The following PTBP3 variants were observed in gnomAD, a reference collection of about 807,000 sequenced individuals.
The protein encoded by PTBP3 is polypyrimidine tract binding protein 3, also known as polypyrimidine tract-binding protein 3.
Under a neutral mutation model 58.7 loss-of-function variants are expected in PTBP3, and 20 were observed. The observed-to-expected ratio is 0.34, with a 90% CI of 0.24 to 0.50. PTBP3 has a LOEUF of 0.50. Ranked by LOEUF, PTBP3 falls within the 20% of genes least tolerant of loss-of-function variation. The probability of loss-of-function intolerance (pLI) is 0.98; values close to 1 mark genes in which losing one functional copy is unlikely to be tolerated. For missense variants in PTBP3, 509 were observed against 637.2 expected, an observed-to-expected ratio of 0.80 and a Z score of 2.17; for synonymous variants, 185 against 219.8, an observed-to-expected ratio of 0.84 and a Z score of 1.40.
intron 2 of PTBP3, among the ~76,000 whole-genome samples, chr9:112,283,504 A>T (rs1827970078): frequency 6.6e-6 from 1 of 152,228 alleles, no homozygotes; most frequent in African/African-American, 2.4e-5. Flanking sequence ...CTCTGAACTC[A>T]GATGATTTAG....
intron 1 of PTBP3, among the ~76,000 whole-genome samples, chr9:112,327,117 T>C (rs999034949): frequency 6.6e-6 from 1 of 151,408 alleles, no homozygotes; most frequent in African/African-American, 2.4e-5. Context: ...GGTAGGAGGA[T>C]CACTTGGGCC....
the PTBP3 span, among the ~76,000 whole-genome samples, chr9:112,367,951 C>G: frequency 2.0e-4 from 31 of 152,146 alleles, no homozygotes; most frequent in Non-Finnish European, 4.0e-4. Flanking sequence ...TGATGATATC[C>G]CATGATTCCT....
chr9:112,241,713 C>T (rs7864927), intron 7 of PTBP3, among the ~76,000 whole-genome samples: 84,384 of 151,864 alleles, frequency 0.56, 25,145 homozygotes, highest in African/African-American at 0.79. Flanking sequence ...CAATACATGA[C>T]TGTATATTTA....
intron 1 of PTBP3, among the ~76,000 whole-genome samples, chr9:112,302,183 CT>C (rs779134002): frequency 6.6e-6 from 1 of 152,022 alleles, no homozygotes; most frequent in African/African-American, 2.4e-5. Context: ...CAGCAAATAG[CT>C]TTTTGTAAAA....
the PTBP3 span, among the ~76,000 whole-genome samples, chr9:112,376,864 C>G: frequency 1.2e-4 from 18 of 152,262 alleles, no homozygotes; most frequent in African/African-American, 4.1e-4. Flanking sequence ...ACAGATACAC[C>G]CAAGACCAAT....
intron 1 of PTBP3, among the ~76,000 whole-genome samples, chr9:112,332,034 AT>A (rs1830396371): frequency 7.1e-6 from 1 of 141,254 alleles, no homozygotes; most frequent in African/African-American, 2.7e-5. Flanking sequence ...CGACCACAAA[AT>A]TTTTCAACAT....
rs567317821 is a variant in PTBP3, at chr9:112,284,037, G to A, written c.35-8024C>T. Among the ~76,000 whole-genome samples the A allele has an allele frequency of 2.2e-4, 34 of 152,366 alleles. No homozygotes were observed. The South Asian group carries it at 2.9e-3, about 13-fold the overall frequency. ...ATGTATGGAAATACCTGGATGTCCA[G>A]GCAGAATTCTGCTGCAGGGGTGGAG... On this transcript the variant is annotated intron_variant, in intron 2 of 13. Coordinates refer to ENST00000374257, the MANE Select transcript of PTBP3 (RefSeq NM_001163788.4).
chr9:112,336,806 G>A (rs1036356091), upstream of PTBP3, among the ~76,000 whole-genome samples: 4 of 152,028 alleles, frequency 2.6e-5, no homozygotes, highest in African/African-American at 4.8e-5. Flanking sequence ...AAGTGTGTCC[G>A]AAATTTATTG....
upstream of PTBP3, among the ~76,000 whole-genome samples, chr9:112,337,298 G>A (rs1830584383): frequency 6.6e-6 from 1 of 152,158 alleles, no homozygotes; most frequent in Non-Finnish European, 1.5e-5. Context: ...CCAAAGTGCT[G>A]GGATTACAGG....
rs369208342 is a variant in PTBP3 at position 112,302,582 on chromosome 9, C to CTTTT, written c.-51-4670_-51-4667dup. Among the ~76,000 whole-genome samples the CTTTT allele has an allele frequency of 3.6e-3, 402 of 110,420 alleles. 11 individuals are homozygous for CTTTT. Among genetic ancestry groups the CTTTT allele is most frequent in the African/African-American group, 6.4e-3 (200 of 31,102 alleles). 72.4% of individuals were successfully genotyped at this position (110,420 alleles called of 152,430 possible). A position where few individuals can be genotyped will look rare whatever the true frequency, so the allele number is the denominator to read the frequency against. On this transcript the variant is annotated intron_variant, in intron 1 of 13. Coordinates refer to ENST00000374257, the MANE Select transcript of PTBP3 (RefSeq NM_001163788.4). ...CCCAAAAGCTGACTATATTCTTCAT[C>CTTTT]TTTTTTTTTTTTTTTTTTTTTTTGG... is the stretch of plus-strand genomic sequence containing the variant.
In PTBP3 at chr9:112,268,105, A is replaced by T; in HGVS notation, c.295T>A (p.Tyr99Asn). ...TCTCTGTGATTGGAATACTGAATAT[A>T]AACAGGCTGGCTTCGAAGGTGAGGA... Reference protein sequence around the residue: ...ITPHLRSQPVYIQYSNHRELK... With the variant: ...ITPHLRSQPVNIQYSNHRELK... Residue 99 changes from tyrosine to asparagine, a missense_variant, in exon 4 of 14, where the codon TAT becomes AAT. This residue lies in a region of PTBP3 where 212 missense variants were observed against 215.3 expected (regional missense o/e 0.98). Coordinates refer to ENST00000374257, the MANE Select transcript of PTBP3 (RefSeq NM_001163788.4). 6.2e-7 allele frequency: 1 copy of T among 1,613,900 alleles called. No homozygotes were observed. The highest frequency in any genetic ancestry group is 8.5e-7 in the Non-Finnish European group (1 of 1,179,804).
chr9:112,282,086 A>C (rs1327879), intron 2 of PTBP3, among the ~76,000 whole-genome samples: 129,173 of 152,138 alleles, frequency 0.85, 55,261 homozygotes, highest in African/African-American at 0.95. Context: ...TCATGAGGGC[A>C]CCACCCACCT....
the PTBP3 span, among the ~76,000 whole-genome samples, chr9:112,347,561 T>G: frequency 1.3e-5 from 2 of 152,256 alleles, no homozygotes; most frequent in East Asian, 3.9e-4. Context: ...AAGGCTGGTC[T>G]CGAACTCTTG....
At chr9:112,315,833 T>TC (rs1316727783) in intron 1 of PTBP3, among the ~76,000 whole-genome samples, 12 of 152,332 alleles carry the variant, frequency 7.9e-5, no homozygotes, top group African/African-American at 2.6e-4. Flanking sequence ...ATCTAACAGT[T>TC]CCTTGTCTTT....
At chr9:112,356,878 T>TA in the PTBP3 span, among the ~76,000 whole-genome samples, 1 of 137,746 alleles carries the variant, frequency 7.3e-6, no homozygotes, top group Non-Finnish European at 1.6e-5. Context: ...TTCCCTCTTT[T>TA]TTTTTTTTTT....
upstream of PTBP3, among the ~76,000 whole-genome samples, chr9:112,337,441 G>A (rs1830585709): frequency 6.6e-6 from 1 of 152,180 alleles, no homozygotes; most frequent in Non-Finnish European, 1.5e-5. Flanking sequence ...AAACCTAACT[G>A]TTCCCATAGC....
chr9:112,225,364 GC>G (rs1834941998), intron 12 of PTBP3, among the ~76,000 whole-genome samples: 2 of 152,206 alleles, frequency 1.3e-5, no homozygotes, highest in South Asian at 4.1e-4. Context: ...GGATAATAAT[GC>G]CAACAACAAC....
chr9:112,287,272 T>C (rs571816154), intron 2 of PTBP3, among the ~76,000 whole-genome samples: 2 of 152,100 alleles, frequency 1.3e-5, no homozygotes, highest in East Asian at 3.9e-4. Flanking sequence ...GTTATACATA[T>C]GTGTGTTTAG....
chr9:112,285,230 C>T (rs934750157), intron 2 of PTBP3, among the ~76,000 whole-genome samples: 38 of 152,094 alleles, frequency 2.5e-4, no homozygotes, highest in African/African-American at 8.9e-4. Context: ...GTTATGTAAG[C>T]GATTGGCAGT....
Sources: gnomAD v4.1 joint callset for allele counts (sites outside exome capture counted in the v4.1 genomes callset) on GRCh38, gnomAD v4.1.1 for gene constraint, gnomAD v4.1.1 regional missense constraint, MANE v1.5 for transcripts, NCBI Gene and HGNC (gene_info 2026-07-23, HGNC 2026-07-21) for gene names.